Variants in IMPG2 observed in about 807,000 individuals in gnomAD.
IMPG2 encodes the protein IPM 200.
In IMPG2, 91 loss-of-function variants were observed where a neutral mutation model predicts 129.2. The observed-to-expected ratio is 0.70, with a 90% CI of 0.59 to 0.84. The LOEUF is 0.84. IMPG2 is among the 40% of genes least tolerant of loss of function. The pLI, the probability that IMPG2 is intolerant of heterozygous loss-of-function variation, is 0.00. For synonymous variants in IMPG2, 510 were observed against 517.7 expected (o/e 0.99, Z 0.20); for missense variants, 1,430 against 1,461.7 (o/e 0.98, Z 0.35).
chr3:101,257,829 A>AGCATT (rs1706628341), intron 9 of IMPG2, 56 bp from the exon 10 acceptor site: 1 of 1,592,370 alleles, frequency 6.3e-7, no homozygotes, highest in Non-Finnish European at 8.6e-7. Flanking sequence ...CAAAGAAAGG[A>AGCATT]GCATTGAACC....
At position 101,265,208 on chromosome 3, in the gene IMPG2, T is replaced by C. The variant is rs72932468; in HGVS notation, c.908+2303A>G. Among the ~76,000 whole-genome samples, 467 of 152,160 alleles carry C rather than the reference T, an allele frequency of 3.1e-3. 1 individual carries two copies. The highest frequency in any genetic ancestry group is 0.011 in the African/African-American group (439 of 41,508). On this transcript the variant is annotated intron_variant, in intron 9 of 18. Coordinates refer to ENST00000193391, the MANE Select transcript of IMPG2 (RefSeq NM_016247.4). Reference sequence around the variant, plus strand: ...TAGAAAAAAAGTCTTAAAATTTGTATGGAACCACAAAAGACCCCAGATAGC... The same window carrying C: ...TAGAAAAAAAGTCTTAAAATTTGTACGGAACCACAAAAGACCCCAGATAGC...
chr3:101,272,807 G>A (rs908645625), intron 7 of IMPG2, among the ~76,000 whole-genome samples: 2 of 150,560 alleles, frequency 1.3e-5, no homozygotes, highest in African/African-American at 5.0e-5. Context: ...TTAATCTAAG[G>A]TAATGGAATT....
At chr3:101,229,243 TA>T in intron 17 of IMPG2, 136 bp downstream of exon 17, 1 of 762,370 alleles carries the variant, frequency 1.3e-6, no homozygotes. Context: ...AACCAATTAC[TA>T]AATATTTTTT....
chr3:101,275,873 C>T (rs144396031), intron 5 of IMPG2, 128 bp from the exon 6 acceptor site: 17 of 726,036 alleles, frequency 2.3e-5, no homozygotes, highest in South Asian at 1.4e-4. Flanking sequence ...CCTGGAAATT[C>T]GGTGCATTCT....
Position 101,257,779 on chromosome 3 carries a change from G to A in IMPG2, c.909-6C>T, listed in dbSNP as rs1706627812. 3.1e-6 allele frequency: 5 copies of A among 1,612,770 alleles called. No homozygotes were observed. Among genetic ancestry groups the A allele is most frequent in the Non-Finnish European group, 4.2e-6 (5 of 1,179,134 alleles). On this transcript the variant is annotated splice_polypyrimidine_tract_variant and splice_region_variant and intron_variant, in intron 9 of 18. Coordinates refer to ENST00000193391, the MANE Select transcript of IMPG2 (RefSeq NM_016247.4). Reference sequence around the variant, plus strand: ...CATAGTAAACATCTACGCCACTATGGATGGAAAGAGAGAACAGGTTAGGTT... The same window carrying A: ...CATAGTAAACATCTACGCCACTATGAATGGAAAGAGAGAACAGGTTAGGTT...
At chr3:101,263,900 G>A (rs1465180742) in intron 9 of IMPG2, among the ~76,000 whole-genome samples, 1 of 144,922 alleles carries the variant, frequency 6.9e-6, no homozygotes, top group Admixed American at 6.8e-5. Context: ...AATCAGAAAT[G>A]AAAAAGGAGA....
chr3:101,228,255 A>G (rs1419383640), intron 18 of IMPG2, among the ~76,000 whole-genome samples: 1 of 152,244 alleles, frequency 6.6e-6, no homozygotes, highest in Non-Finnish European at 1.5e-5. Context: ...GAGGCAAGAG[A>G]TACAGTTTAA....
Position 101,320,439 on chromosome 3 carries a change from T to G in IMPG2, c.-67A>C. 1.0e-6 allele frequency: 1 copy of G among 963,438 alleles called. No individual in the cohort carries two copies. The allele number at this position is 963,438 out of a possible 1,614,324, so 59.7% of individuals were successfully genotyped here. ...AATTGAGTGTCCAAATCCTTGAAAC[T>G]TCCAATAACAAAGAGTTATAGGAAA... is the stretch of plus-strand genomic sequence containing the variant. On this transcript the variant is annotated 5_prime_UTR_variant, in exon 1 of 19. Transcript: ENST00000193391.
intron 3 of IMPG2, among the ~76,000 whole-genome samples, chr3:101,297,003 C>T (rs182715589): frequency 7.9e-5 from 12 of 152,188 alleles, no homozygotes; most frequent in East Asian, 7.7e-4. Flanking sequence ...CCCAGGTTCA[C>T]GCCACTCTCC....
Position 101,245,990 on chromosome 3 carries a change from T to C in IMPG2, c.1355A>G (p.Glu452Gly), listed in dbSNP as rs1018893674. The C allele has an allele frequency of 2.5e-6, 4 of 1,614,008 alleles. No individual in the cohort carries two copies. The highest frequency in any genetic ancestry group is 3.4e-6 in the Non-Finnish European group (4 of 1,180,012). The stretch of plus-strand genomic sequence containing the variant: ...AGACACTAAATCACCCAAAGGACTT[T>C]CTGACCAGAGTTCCCTGCCAGTGGC... The part of the protein sequence containing the change: ...PSATGRELWS[E>G]SPLGDLVSTH... Residue 452 changes from glutamate to glycine, a missense_variant, in exon 12 of 19, where the codon GAA becomes GGA. Coordinates refer to ENST00000193391, the MANE Select transcript of IMPG2 (RefSeq NM_016247.4).
intron 2 of IMPG2, among the ~76,000 whole-genome samples, chr3:101,312,398 T>C (rs1707277044): frequency 6.6e-6 from 1 of 151,998 alleles, no homozygotes; most frequent in African/African-American, 2.4e-5. Context: ...GATATACAAA[T>C]GATAAATAAG....
At chr3:101,269,352 C>A (rs1706753714) in intron 8 of IMPG2, among the ~76,000 whole-genome samples, 163 bp downstream of exon 8, 1 of 152,204 alleles carries the variant, frequency 6.6e-6, no homozygotes, top group South Asian at 2.1e-4. Context: ...TCAATTTTCT[C>A]ACCTGAAAAA....
intron 14 of IMPG2, among the ~76,000 whole-genome samples, chr3:101,234,197 G>A (rs1049937766): frequency 6.7e-6 from 1 of 150,238 alleles, no homozygotes; most frequent in African/African-American, 2.5e-5. Flanking sequence ...GAGCCCTAAT[G>A]CAATGATTGG....
rs1157357063 is a variant in IMPG2, at chr3:101,245,917, T to C, written c.1428A>G (p.Pro476=). Reference sequence around the variant, plus strand: ...TCAAGCTGCTAACCTCTAAAACCTCTGGGGAAGAGCTGAGGCCCATCTTCG... The same window carrying C: ...TCAAGCTGCTAACCTCTAAAACCTCCGGGGAAGAGCTGAGGCCCATCTTCG... ...FPSKMGLSSS[P]EVLEVSSLTL... is the part of the protein sequence containing the mutation. Residue 476 remains proline (P), a synonymous_variant, in exon 12 of 19, where the codon CCA becomes CCG. Transcript: ENST00000193391. 2 of 1,614,026 alleles carry C rather than the reference T, an allele frequency of 1.2e-6. No individual in the cohort carries two copies. Among genetic ancestry groups the C allele is most frequent in the Non-Finnish European group, 1.7e-6 (2 of 1,180,016 alleles).
At chr3:101,289,455 T>C (rs1036662168) in intron 4 of IMPG2, among the ~76,000 whole-genome samples, 2 of 152,144 alleles carry the variant, frequency 1.3e-5, no homozygotes, top group African/African-American at 4.8e-5. Context: ...AATTAATACA[T>C]GTAAAATATC....
chr3:101,243,403 T>C (rs1432163398), intron 13 of IMPG2, 126 bp downstream of exon 13: 3 of 826,758 alleles, frequency 3.6e-6, no homozygotes, highest in Non-Finnish European at 6.0e-6. Flanking sequence ...TATTTGTGAA[T>C]GATAGGAAGT....
At chr3:101,256,580 A>C (rs1232856632) in intron 10 of IMPG2, among the ~76,000 whole-genome samples, 2 of 151,988 alleles carry the variant, frequency 1.3e-5, no homozygotes, top group Admixed American at 1.3e-4. Flanking sequence ...TTGTTTATTT[A>C]TTTGTTACAC....
Position 101,228,874 on chromosome 3 carries a change from T to C in IMPG2, c.3636A>G (p.Glu1212=). Residue 1212 remains glutamate, a splice_region_variant and synonymous_variant, in exon 18 of 19, where the codon GAA becomes GAG. Transcript: ENST00000193391. ...CCAAAACTCTCATTCTCTCTTGAAT[T>C]TCCTTAAACAAAAAAGAAACAATAG... ...MYESSELSRE[E]IQERMRVLEL... 1 of 1,612,838 alleles carries C rather than the reference T, an allele frequency of 6.2e-7. No individual in the cohort carries two copies.
At chr3:101,256,145 A>AAAGAAAG (rs1553682271) in intron 10 of IMPG2, among the ~76,000 whole-genome samples, 6 of 77,570 alleles carry the variant, frequency 7.7e-5, no homozygotes, top group African/African-American at 1.5e-4. Context: ...AGAAAGAAAG[A>AAAGAAAG]AAAGAAAGAA....
Sources: allele counts gnomAD v4.1 joint callset (sites outside exome capture counted in the v4.1 genomes callset), GRCh38; gene constraint gnomAD v4.1.1; transcripts MANE v1.5; gene names NCBI Gene and HGNC (gene_info 2026-07-23, HGNC 2026-07-21).